Variants in FRY observed in about 807,000 individuals in gnomAD.
FRY encodes the protein FRY microtubule binding protein.
A neutral mutation model predicts 348.4 loss-of-function variants in FRY; 128 were observed. The ratio of observed to expected loss-of-function variants is 0.37; its 90% CI spans 0.32 to 0.43. FRY has a LOEUF of 0.43. FRY is among the 20% of genes least tolerant of loss of function. The pLI is 1.00. For missense variants in FRY, 2,736 were observed against 3,695.2 expected (o/e 0.74, Z 6.73); for synonymous variants, 1,370 against 1,374.7 (o/e 1.00, Z 0.08).
At chr13:32,036,362 T>C (rs1872514480) in intron 1 of FRY, among the ~76,000 whole-genome samples, 1 of 152,188 alleles carries the variant, frequency 6.6e-6, no homozygotes, top group African/African-American at 2.4e-5. Context: ...ACGGGGTCAC[T>C]TCTGCTAACG....
At chr13:32,222,338 C>T (rs1178584830) in intron 36 of FRY, among the ~76,000 whole-genome samples, 5 of 152,102 alleles carry the variant, frequency 3.3e-5, no homozygotes, top group Non-Finnish European at 5.9e-5. Flanking sequence ...TTAAAGGCCA[C>T]GGGTGTGGAT....
chr13:32,271,097 C>A (rs1438080720), intron 55 of FRY, among the ~76,000 whole-genome samples: 1 of 152,216 alleles, frequency 6.6e-6, no homozygotes, highest in Non-Finnish European at 1.5e-5. Flanking sequence ...TTTCTCCACC[C>A]TCTACCTGCC....
At position 32,161,127 on chromosome 13, in the gene FRY, T is replaced by C. The variant is rs202082890; in HGVS notation, c.1785-17T>C. 3.5e-4 allele frequency: 537 copies of C among 1,517,650 alleles called. No individual in the cohort carries two copies. Among genetic ancestry groups the C allele is most frequent in the Non-Finnish European group, 4.6e-4 (498 of 1,092,190 alleles). The allele number at this position is 1,517,650 out of a possible 1,614,324, so 94.0% of individuals were successfully genotyped here. On this transcript the variant is annotated splice_polypyrimidine_tract_variant and intron_variant, in intron 16 of 60. Transcript: ENST00000542859. ...CAGCTTTTTGACCTATTTTAAAATT[T>C]TGTCTTCTAATTCTAGGGGTGAGAG...
rs7998540 is a variant in FRY at position 32,137,204 on chromosome 13, A to G, written c.1179+232A>G. Among the ~76,000 whole-genome samples, 829 of 152,354 alleles carry G rather than the reference A, an allele frequency of 5.4e-3. 5 individuals are homozygous for G. Among genetic ancestry groups the G allele is most frequent in the African/African-American group, 0.019 (798 of 41,578 alleles). On this transcript the variant is annotated intron_variant, in intron 11 of 60. Coordinates refer to ENST00000542859, the MANE Select transcript of FRY (RefSeq NM_023037.3). ...TTGGGAAAAATAAATCTGTTCTAAC[A>G]AGGATCACTTTAAAAGTAGAATTAA...
intron 17 of FRY, among the ~76,000 whole-genome samples, chr13:32,164,535 A>G (rs1881622040): frequency 6.6e-6 from 1 of 152,188 alleles, no homozygotes; most frequent in Admixed American, 6.5e-5. Flanking sequence ...GCACATGACA[A>G]CAGTGTATAC....
intron 31 of FRY, among the ~76,000 whole-genome samples, chr13:32,204,811 T>A (rs2762037): frequency 0.41 from 61,508 of 151,770 alleles, 12,594 homozygotes; most frequent in Admixed American, 0.42. Context: ...CCAAGATTTG[T>A]TTGCTGCCTA....
At chr13:32,049,789 T>C (rs12146929) in intron 1 of FRY, among the ~76,000 whole-genome samples, 5,939 of 152,266 alleles carry the variant, frequency 0.039, 129 homozygotes, top group African/African-American at 0.055. Context: ...TGGGGTAGAA[T>C]TGTCAGAGTT....
rs376721095 is a variant in FRY at position 32,109,965 on chromosome 13, A to G, written c.325-7369A>G. Reference sequence around the variant, plus strand: ...GAGAAGTCTAGAGATAGTGCTCTCTAGGGCAGGGATGGCCCATCACAGCAG... The same window carrying G: ...GAGAAGTCTAGAGATAGTGCTCTCTGGGGCAGGGATGGCCCATCACAGCAG... On this transcript the variant is annotated intron_variant, in intron 3 of 60. Coordinates refer to ENST00000542859, the MANE Select transcript of FRY (RefSeq NM_023037.3). Among the ~76,000 whole-genome samples the G allele has an allele frequency of 1.2e-4, 18 of 152,304 alleles. No individual in the cohort carries two copies. In the East Asian group the frequency reaches 3.5e-3, roughly 29 times the overall value.
chr13:32,215,042 T>C (rs1884906779), intron 35 of FRY, among the ~76,000 whole-genome samples: 1 of 152,164 alleles, frequency 6.6e-6, no homozygotes, highest in Non-Finnish European at 1.5e-5. Flanking sequence ...TGAAAGAACA[T>C]TAAAACAAGA....
At chr13:32,260,041 T>G (rs932123592) in intron 51 of FRY, among the ~76,000 whole-genome samples, 7 of 152,198 alleles carry the variant, frequency 4.6e-5, no homozygotes, top group Admixed American at 2.0e-4. Context: ...TTGTGCCTGT[T>G]GCCTTCTACC....
intron 58 of FRY, among the ~76,000 whole-genome samples, chr13:32,280,987 T>G (rs1014867456): frequency 1.3e-5 from 2 of 152,212 alleles, no homozygotes; most frequent in African/African-American, 4.8e-5. Context: ...AAACAAATGT[T>G]TATCTTATTT....
chr13:32,135,243 A>T, intron 10 of FRY, 60 bp downstream of exon 10: 8 of 1,033,048 alleles, frequency 7.7e-6, no homozygotes, highest in Non-Finnish European at 1.1e-5. Flanking sequence ...AAATTCCTAG[A>T]CAGGAATCTG....
chr13:32,126,736 C>T, intron 7 of FRY, among the ~76,000 whole-genome samples: 1 of 152,096 alleles, frequency 6.6e-6, no homozygotes, highest in East Asian at 1.9e-4. Context: ...GACATTACTT[C>T]TTTCTCATAA....
At chr13:32,154,236 G>T (rs1043027154) in intron 14 of FRY, among the ~76,000 whole-genome samples, 1 of 152,120 alleles carries the variant, frequency 6.6e-6, no homozygotes, top group Non-Finnish European at 1.5e-5. Context: ...GAACTAATGG[G>T]CTTCGATACA....
intron 28 of FRY, among the ~76,000 whole-genome samples, 181 bp downstream of exon 28, chr13:32,187,837 TC>T (rs1883114155): frequency 6.6e-6 from 1 of 152,136 alleles, no homozygotes. Context: ...GTAACATTTA[TC>T]AAAACTGACC....
At chr13:32,153,852 A>T (rs1000996004) in intron 14 of FRY, among the ~76,000 whole-genome samples, 2 of 152,210 alleles carry the variant, frequency 1.3e-5, no homozygotes, top group Non-Finnish European at 2.9e-5. Context: ...ATACCTGGAC[A>T]TGGAAAAGTT....
intron 7 of FRY, among the ~76,000 whole-genome samples, chr13:32,128,438 G>A (rs972564288): frequency 2.0e-5 from 3 of 152,118 alleles, no homozygotes; most frequent in East Asian, 1.9e-4. Context: ...GTAGGCCCCC[G>A]GTAAATTATT....
At chr13:32,203,927 A>G (rs1566130604) in intron 31 of FRY, among the ~76,000 whole-genome samples, 1 of 152,194 alleles carries the variant, frequency 6.6e-6, no homozygotes, top group Non-Finnish European at 1.5e-5. Flanking sequence ...TCCATCCACT[A>G]TGCAAAGCCA....
chr13:32,063,618 G>A (rs1333901303), intron 1 of FRY, among the ~76,000 whole-genome samples: 1 of 152,118 alleles, frequency 6.6e-6, no homozygotes, highest in Non-Finnish European at 1.5e-5. Context: ...CCTGTTTTCT[G>A]TTCTATTTCA....
Sources: allele counts gnomAD v4.1 joint callset (sites outside exome capture counted in the v4.1 genomes callset), GRCh38; gene constraint gnomAD v4.1.1; transcripts MANE v1.5; gene names NCBI Gene and HGNC (gene_info 2026-07-23, HGNC 2026-07-21).